Variants in FOXR2 observed in about 807,000 individuals in gnomAD.
FOXR2 encodes the protein forkhead box R2.
For missense variants in FOXR2, 234 were observed against 227.1 expected (o/e 1.03, Z -0.20); for synonymous variants, 109 against 84.1 (o/e 1.30, Z -1.62).
rs1161175108 is a variant in FOXR2, at chrX:55,626,134, A to G, written c.*1487A>G. On this transcript the variant is annotated 3_prime_UTR_variant, in exon 1 of 1. Transcript: ENST00000339140. ...AAATTGTAAATGCTACTTCTGTATCATAAGGCAAAGACCAAGTTAACAGAA... is the reference window on the plus strand; with the variant it reads ...AAATTGTAAATGCTACTTCTGTATCGTAAGGCAAAGACCAAGTTAACAGAA... 8.9e-6 allele frequency among the ~76,000 whole-genome samples: 1 copy of G among 112,346 alleles called. No individual in the cohort carries two copies. Among genetic ancestry groups the G allele is most frequent in the African/African-American group, 3.2e-5 (1 of 31,010 alleles).
chrX:55,624,094 TAG>T lies in FOXR2; in HGVS notation c.386_387del (p.Glu129ValfsTer8), dbSNP rs1345741762. ...TCTAACTGCTCAGAGGACAAAGTGG[TAG>T]AGTCTCTGCCATCTTCCTCCAGTGA... is the stretch of plus-strand genomic sequence containing the variant. On this transcript the variant is annotated frameshift_variant, in exon 1 of 1. Coordinates refer to ENST00000339140, the MANE Select transcript of FOXR2 (RefSeq NM_198451.4). LOFTEE classifies it low-confidence loss of function (END_TRUNC). The T allele has an allele frequency of 8.3e-7, 1 of 1,209,866 alleles. No individual in the cohort carries two copies.
At position 55,623,771 on chromosome X, in the gene FOXR2, G is replaced by A. The variant is rs746770544; in HGVS notation, c.60G>A (p.Gly20=). 2.5e-6 allele frequency: 3 copies of A among 1,209,190 alleles called. No homozygotes were observed. The highest frequency in any genetic ancestry group is 3.4e-6 in the Non-Finnish European group (3 of 894,107). The part of the protein sequence containing the change: ...FWYSLHGQVP[G]LLDWDMRNEL... The stretch of plus-strand genomic sequence containing the variant: ...ATAGTCTCCATGGCCAGGTCCCAGG[G>A]CTGCTGGACTGGGACATGAGGAATG... Residue 20 remains glycine, a synonymous_variant, in exon 1 of 1, where the codon GGG becomes GGA. Coordinates refer to ENST00000339140, the MANE Select transcript of FOXR2 (RefSeq NM_198451.4).
chrX:55,623,604 C>G lies in FOXR2; in HGVS notation c.-108C>G. ...TCTAGCAGGCCTACTGATAAGCTCC[C>G]TAGATGAGATACACTGCATAAAAAA... On this transcript the variant is annotated 5_prime_UTR_variant, in exon 1 of 1. Transcript: ENST00000339140. 1 of 548,194 alleles carries G rather than the reference C, an allele frequency of 1.8e-6. No homozygotes were observed. Among genetic ancestry groups the G allele is most frequent in the Non-Finnish European group, 3.0e-6 (1 of 335,937 alleles). The allele number at this position is 548,194 out of a possible 1,213,427, so 45.2% of individuals were successfully genotyped here.
In FOXR2 at chrX:55,624,524, G is replaced by A. The variant is rs769109191; in HGVS notation, c.813G>A (p.Lys271=). Residue 271 remains lysine, a synonymous_variant, in exon 1 of 1, where the codon AAG becomes AAA. Coordinates refer to ENST00000339140, the MANE Select transcript of FOXR2 (RefSeq NM_198451.4). ...DNARPRSCLW[K]LTKEGHRRFW... ...CAAGACCTCGCTCTTGCCTTTGGAA[G>A]CTCACTAAGGAGGGGCACCGCCGCT... is the stretch of plus-strand genomic sequence containing the variant. The A allele has an allele frequency of 1.7e-6, 2 of 1,211,231 alleles. No individual in the cohort carries two copies. Among genetic ancestry groups the A allele is most frequent in the Admixed American group, 4.3e-5 (2 of 46,084 alleles).
rs780223322 is a variant in FOXR2, at chrX:55,624,988, A to G, written c.*341A>G. 3.4e-4 allele frequency: 68 copies of G among 201,326 alleles called. No individual in the cohort carries two copies. Among genetic ancestry groups the G allele is most frequent in the Non-Finnish European group, 6.1e-4 (63 of 103,163 alleles). 16.6% of individuals were successfully genotyped at this position (201,326 alleles called of 1,213,427 possible). On this transcript the variant is annotated 3_prime_UTR_variant, in exon 1 of 1. Coordinates refer to ENST00000339140, the MANE Select transcript of FOXR2 (RefSeq NM_198451.4). ...TTATAGAGAGTATTTTCACACATGA[A>G]AGTGAACAGTGGAATATAAAGCATA...
In FOXR2 at chrX:55,624,230, A is replaced by G. The variant is rs760036268; in HGVS notation, c.519A>G (p.Lys173=). ...ACTCCCTCCAGTCCCCTGAAATGAA[A>G]TGTTACCAGAGCCAGAAACTATGGC... ...DDNSLQSPEM[K]CYQSQKLWQI... The change falls in exon 1 of 1, where the codon AAA becomes AAG. Residue 173 remains lysine, a synonymous_variant. Transcript: ENST00000339140. The G allele has an allele frequency of 7.4e-6, 9 of 1,210,280 alleles. No individual in the cohort carries two copies. The Admixed American group carries it at 2.0e-4, about 26-fold the overall frequency.
rs926922719 is a variant in FOXR2 at position 55,623,499 on chromosome X, G to T, written c.-213G>T. On this transcript the variant is annotated 5_prime_UTR_variant, in exon 1 of 1. An upstream open reading frame in the 5' UTR loses its in-frame stop. Coordinates refer to ENST00000339140, the MANE Select transcript of FOXR2 (RefSeq NM_198451.4). ...CTCTTTTTTATTACTTCCATGTTTT[G>T]AGCCTTGTTCCAGAAAGCTGAGGTT... 5.5e-5 allele frequency: 17 copies of T among 311,637 alleles called. No individual in the cohort carries two copies. Among genetic ancestry groups the T allele is most frequent in the Non-Finnish European group, 8.9e-5 (16 of 179,064 alleles). The allele number at this position is 311,637 out of a possible 1,213,427, so 25.7% of individuals were successfully genotyped here. A position where few individuals can be genotyped will look rare whatever the true frequency, so the allele number is the denominator to read the frequency against.
Position 55,623,450 on chromosome X carries a change from T to A in FOXR2, c.-262T>A. On this transcript the variant is annotated 5_prime_UTR_variant, in exon 1 of 1. Transcript: ENST00000339140. ...CCAATCAAAGCTCAAGAATTCCACC[T>A]AAAAATGTTTTTCTGCTCAAAAGCT... The A allele has an allele frequency of 3.4e-6, 1 of 295,184 alleles. No homozygotes were observed. Among genetic ancestry groups the A allele is most frequent in the Non-Finnish European group, 5.9e-6 (1 of 169,257 alleles). 24.3% of individuals were successfully genotyped at this position (295,184 alleles called of 1,213,427 possible). A position where few individuals can be genotyped will look rare whatever the true frequency, so the allele number is the denominator to read the frequency against.
chrX:55,624,289 C>T lies in FOXR2; in HGVS notation c.578C>T (p.Pro193Leu), dbSNP rs779998698. Reference sequence around the variant, plus strand: ...AACCAAGAGAAGTCCTGGCAAAGGCCCCCTCTCAATTGTAGCCACCTTATT... The same window carrying T: ...AACCAAGAGAAGTCCTGGCAAAGGCTCCCTCTCAATTGTAGCCACCTTATT... ...INNQEKSWQR[P>L]PLNCSHLIAL... Residue 193 changes from proline to leucine, a missense_variant, in exon 1 of 1, where the codon CCC (proline) becomes CTC (leucine). Coordinates refer to ENST00000339140, the MANE Select transcript of FOXR2 (RefSeq NM_198451.4). The T allele has an allele frequency of 1.6e-5, 19 of 1,211,998 alleles. No homozygotes were observed. Among genetic ancestry groups the T allele is most frequent in the South Asian group, 3.5e-5 (2 of 57,026 alleles).
rs1481438107 is a variant in FOXR2 at position 55,625,722 on chromosome X, C to T, written c.*1075C>T. On this transcript the variant is annotated 3_prime_UTR_variant, in exon 1 of 1. Coordinates refer to ENST00000339140, the MANE Select transcript of FOXR2 (RefSeq NM_198451.4). ...TTGTGGGTTTTTAGGAGCCAAGAGA[C>T]ATCAGTGGAGTTTTGCTAAAAAACA... Among the ~76,000 whole-genome samples the T allele has an allele frequency of 9.0e-6, 1 of 110,795 alleles. No individual in the cohort carries two copies. Among genetic ancestry groups the T allele is most frequent in the Non-Finnish European group, 1.9e-5 (1 of 52,944 alleles).
In FOXR2 at chrX:55,625,281, G is replaced by A. The variant is rs2032331709; in HGVS notation, c.*634G>A. The A allele has an allele frequency of 8.1e-6, 1 of 122,910 alleles. No homozygotes were observed. Among genetic ancestry groups the A allele is most frequent in the Admixed American group, 9.6e-5 (1 of 10,453 alleles). The allele number at this position is 122,910 out of a possible 1,213,427, so 10.1% of individuals were successfully genotyped here. ...GTTTAACGTCCTGTGAAATATTCCT[G>A]TATTAACCCCAAGCCTTTTGATGAT... On this transcript the variant is annotated 3_prime_UTR_variant, in exon 1 of 1. Transcript: ENST00000339140.
At position 55,624,787 on chromosome X, in the gene FOXR2, A is replaced by C; in HGVS notation, c.*140A>C. The C allele has an allele frequency of 2.0e-6, 1 of 497,517 alleles. No homozygotes were observed. The highest frequency in any genetic ancestry group is 3.4e-5 in the South Asian group (1 of 29,149). The allele number at this position is 497,517 out of a possible 1,213,427, so 41.0% of individuals were successfully genotyped here. A position where few individuals can be genotyped will look rare whatever the true frequency, so the allele number is the denominator to read the frequency against. On this transcript the variant is annotated 3_prime_UTR_variant, in exon 1 of 1. Transcript: ENST00000339140. ...ACTGTTACAATAATGGTGTTAAGTA[A>C]AGTTAGAGGTGGGTACAGGGGAGAC... is the stretch of plus-strand genomic sequence containing the variant.
Position 55,624,649 on chromosome X carries a change from A to G in FOXR2, c.*2A>G. 3 of 1,174,525 alleles carry G rather than the reference A, an allele frequency of 2.6e-6. No homozygotes were observed. Among genetic ancestry groups the G allele is most frequent in the Non-Finnish European group, 3.5e-6 (3 of 864,611 alleles). The stretch of plus-strand genomic sequence containing the variant: ...TTGACCTCTCTCTTTGATCTTTGAA[A>G]TGCCATTGCTCCCTTTTGGAACACT... On this transcript the variant is annotated 3_prime_UTR_variant, in exon 1 of 1. Transcript: ENST00000339140.
At position 55,625,864 on chromosome X, in the gene FOXR2, T is replaced by C. The variant is rs1459335260; in HGVS notation, c.*1217T>C. On this transcript the variant is annotated 3_prime_UTR_variant, in exon 1 of 1. Coordinates refer to ENST00000339140, the MANE Select transcript of FOXR2 (RefSeq NM_198451.4). Reference sequence around the variant, plus strand: ...AACTTTTGTTTATCAGATTTAAGCATAGCTTTTTGCTTCAATGATATTAAC... The same window carrying C: ...AACTTTTGTTTATCAGATTTAAGCACAGCTTTTTGCTTCAATGATATTAAC... Among the ~76,000 whole-genome samples the C allele has an allele frequency of 8.9e-6, 1 of 112,238 alleles. No homozygotes were observed. The highest frequency in any genetic ancestry group is 1.9e-5 in the Non-Finnish European group (1 of 53,253).
In FOXR2 at chrX:55,624,667, G is replaced by T; in HGVS notation, c.*20G>T. Reference sequence around the variant, plus strand: ...CTTTGAAATGCCATTGCTCCCTTTTGGAACACTGCCTTCCTTACTGTGCCT... The same window carrying T: ...CTTTGAAATGCCATTGCTCCCTTTTTGAACACTGCCTTCCTTACTGTGCCT... On this transcript the variant is annotated 3_prime_UTR_variant, in exon 1 of 1. Coordinates refer to ENST00000339140, the MANE Select transcript of FOXR2 (RefSeq NM_198451.4). The T allele has an allele frequency of 9.0e-7, 1 of 1,108,514 alleles. No individual in the cohort carries two copies. Among genetic ancestry groups the T allele is most frequent in the Non-Finnish European group, 1.2e-6 (1 of 808,474 alleles). 91.4% of individuals were successfully genotyped at this position (1,108,514 alleles called of 1,213,427 possible).
In FOXR2 at chrX:55,624,669, A is replaced by G; in HGVS notation, c.*22A>G. 9.0e-7 allele frequency: 1 copy of G among 1,105,535 alleles called. No individual in the cohort carries two copies. Among genetic ancestry groups the G allele is most frequent in the Non-Finnish European group, 1.2e-6 (1 of 805,988 alleles). The allele number at this position is 1,105,535 out of a possible 1,213,427, so 91.1% of individuals were successfully genotyped here. The stretch of plus-strand genomic sequence containing the variant: ...TTGAAATGCCATTGCTCCCTTTTGG[A>G]ACACTGCCTTCCTTACTGTGCCTAC... On this transcript the variant is annotated 3_prime_UTR_variant, in exon 1 of 1. Coordinates refer to ENST00000339140, the MANE Select transcript of FOXR2 (RefSeq NM_198451.4).
In FOXR2 at chrX:55,623,844, A is replaced by T. The variant is rs2032316043; in HGVS notation, c.133A>T (p.Ile45Phe). The stretch of plus-strand genomic sequence containing the variant: ...AGACCAGTGCTCTTTAGCTGAGCAA[A>T]TCCTTGCCAAATACAGAGTCGGAGT... ...TTDQCSLAEQ[I>F]LAKYRVGVMK... The change falls in exon 1 of 1, where the codon ATC becomes TTC. Residue 45 changes from isoleucine to phenylalanine, a missense_variant. Ile to Phe is a conservative substitution (Grantham distance 21). Transcript: ENST00000339140. The T allele has an allele frequency of 3.3e-6, 4 of 1,211,473 alleles. No homozygotes were observed. In the African/African-American group the frequency reaches 6.9e-5, roughly 21 times the overall value.
At position 55,623,538 on chromosome X, in the gene FOXR2, C is replaced by T. The variant is rs1334233479; in HGVS notation, c.-174C>T. ...AAAGCTGAGGTTTCTCCAGGTCTGA[C>T]CACTAATCAGTGAGACATTGGTGCC... is the stretch of plus-strand genomic sequence containing the variant. On this transcript the variant is annotated 5_prime_UTR_variant, in exon 1 of 1. Coordinates refer to ENST00000339140, the MANE Select transcript of FOXR2 (RefSeq NM_198451.4). 20 of 378,405 alleles carry T rather than the reference C, an allele frequency of 5.3e-5. No individual in the cohort carries two copies. Among genetic ancestry groups the T allele is most frequent in the Non-Finnish European group, 4.6e-6 (1 of 217,766 alleles). 31.2% of individuals were successfully genotyped at this position (378,405 alleles called of 1,213,427 possible). A position where few individuals can be genotyped will look rare whatever the true frequency, so the allele number is the denominator to read the frequency against.
Position 55,624,826 on chromosome X carries a change from A to G in FOXR2, c.*179A>G, listed in dbSNP as rs905588365. On this transcript the variant is annotated 3_prime_UTR_variant, in exon 1 of 1. Transcript: ENST00000339140. Reference sequence around the variant, plus strand: ...TACAGGGGAGACAGAACTTAAATCCAGGTGGAGAGTCATGGAAAGTCGCAC... The same window carrying G: ...TACAGGGGAGACAGAACTTAAATCCGGGTGGAGAGTCATGGAAAGTCGCAC... 18 of 409,914 alleles carry G rather than the reference A, an allele frequency of 4.4e-5. No individual in the cohort carries two copies. Among genetic ancestry groups the G allele is most frequent in the Non-Finnish European group, 7.7e-5 (18 of 234,742 alleles). 33.8% of individuals were successfully genotyped at this position (409,914 alleles called of 1,213,427 possible).
Sources: gnomAD v4.1 joint callset for allele counts (sites outside exome capture counted in the v4.1 genomes callset) on GRCh38, gnomAD v4.1.1 for gene constraint, MANE v1.5 for transcripts, NCBI Gene and HGNC (gene_info 2026-07-23, HGNC 2026-07-21) for gene names.